COL17A1: variants seen among roughly 807,000 people sequenced by gnomAD.
COL17A1 encodes collagen alpha-1(XVII) chain.
In COL17A1, 181 loss-of-function variants were observed where a neutral mutation model predicts 218.4. That is an observed-to-expected ratio of 0.83 (90% CI 0.73 to 0.94). COL17A1 has a LOEUF of 0.94. Among genes scored for constraint, COL17A1 ranks in the 40% least tolerant of loss-of-function variants. COL17A1 has a pLI of 0.00. For missense variants in COL17A1, 1,924 were observed against 1,945.9 expected (o/e 0.99, Z 0.21); for synonymous variants, 721 against 731.0 (o/e 0.99, Z 0.22).
chr10:104,033,472 A>AGTT, intron 52 of COL17A1, 97 bp from the exon 53 acceptor site: 2 of 1,429,866 alleles, frequency 1.4e-6, no homozygotes, highest in Non-Finnish European at 1.9e-6. Flanking sequence ...CTCCCAAAGC[A>AGTT]GTTGAACTAG....
Position 104,031,968 on chromosome 10 carries a change from G to A in COL17A1, c.*267C>T, listed in dbSNP as rs953485554. 1 of 558,462 alleles carries A rather than the reference G, an allele frequency of 1.8e-6. No individual in the cohort carries two copies. Among genetic ancestry groups the A allele is most frequent in the Non-Finnish European group, 3.2e-6 (1 of 312,240 alleles). The allele number at this position is 558,462 out of a possible 1,614,324, so 34.6% of individuals were successfully genotyped here. On this transcript the variant is annotated 3_prime_UTR_variant, in exon 56 of 56. Transcript: ENST00000648076. ...CTAAGTAAAGAAGCCAAGGAGTTCA[G>A]ATCTAGATAGCAGAGAAGTAAGTCT...
intron 48 of COL17A1, among the ~76,000 whole-genome samples, chr10:104,035,877 T>G (rs1241297317): frequency 6.1e-5 from 4 of 65,690 alleles, no homozygotes; most frequent in Non-Finnish European, 4.4e-5. Flanking sequence ...GGAGTGTGCG[T>G]GAGTACTGGA....
intron 48 of COL17A1, among the ~76,000 whole-genome samples, chr10:104,036,227 T>C (rs2086296941): frequency 6.6e-6 from 1 of 150,834 alleles, no homozygotes; most frequent in Non-Finnish European, 1.5e-5. Context: ...GGTGTGTGTG[T>C]ATGGGAGTGT....
chr10:104,034,435 A>G, intron 51 of COL17A1, 101 bp from the exon 52 acceptor site: 1 of 1,472,344 alleles, frequency 6.8e-7, no homozygotes, highest in Non-Finnish European at 9.1e-7. Context: ...CCCCTGAGAG[A>G]CCAGAAGTGA....
chr10:104,047,848 T>A, intron 30 of COL17A1, 38 bp from the exon 31 acceptor site: 1 of 1,566,310 alleles, frequency 6.4e-7, no homozygotes, highest in Non-Finnish European at 8.8e-7. Context: ...TGTTTACATT[T>A]AGGAAAGCTA....
At chr10:104,063,488 C>T (rs1021166374) in intron 11 of COL17A1, 9 of 525,254 alleles carry the variant, frequency 1.7e-5, no homozygotes, top group Non-Finnish European at 2.8e-5. Flanking sequence ...CCTTCATTTC[C>T]AATCCTCCAA....
intron 2 of COL17A1, among the ~76,000 whole-genome samples, chr10:104,080,144 G>T (rs1299972251): frequency 6.6e-6 from 1 of 152,142 alleles, no homozygotes; most frequent in Non-Finnish European, 1.5e-5. Context: ...ATAAGTGAAA[G>T]AGTTTCCTGA....
intron 46 of COL17A1, among the ~76,000 whole-genome samples, chr10:104,037,401 C>T (rs953471541): frequency 6.6e-6 from 1 of 151,536 alleles, no homozygotes; most frequent in Non-Finnish European, 1.5e-5. Flanking sequence ...TAATTAGGAA[C>T]ACATTAGTCA....
At position 104,053,987 on chromosome 10, in the gene COL17A1, G is replaced by T; in HGVS notation, c.1772-5C>A. 1 of 1,611,986 alleles carries T rather than the reference G, an allele frequency of 6.2e-7. No individual in the cohort carries two copies. Reference sequence around the variant, plus strand: ...GGCCCAAGGGCCCAGGGATACCTGTGAACACACAAGGATATCTCAGCCCCT... The same window carrying T: ...GGCCCAAGGGCCCAGGGATACCTGTTAACACACAAGGATATCTCAGCCCCT... On this transcript the variant is annotated splice_region_variant and splice_polypyrimidine_tract_variant and intron_variant, in intron 21 of 55. Coordinates refer to ENST00000648076, the MANE Select transcript of COL17A1 (RefSeq NM_000494.4).
chr10:104,054,112 C>T lies in COL17A1; in HGVS notation c.1751G>A (p.Arg584Gln), dbSNP rs753955095. Reference protein sequence around the residue: ...DMGSPGPKGDRGFPGTPGIPG... With the variant: ...DMGSPGPKGDQGFPGTPGIPG... Reference sequence around the variant, plus strand: ...CATACCTGGAGTCCCAGGGAACCCTCGATCTCCTGCAGGAACAAAGGCAAA... The same window carrying T: ...CATACCTGGAGTCCCAGGGAACCCTTGATCTCCTGCAGGAACAAAGGCAAA... The change falls in exon 21 of 56, where the codon CGA (arginine) becomes CAA (glutamine). Residue 584 changes from arginine (R) to glutamine (Q), a missense_variant. By Grantham distance (43) the Arg-to-Gln change is conservative. Transcript: ENST00000648076. 14 of 1,609,230 alleles carry T rather than the reference C, an allele frequency of 8.7e-6. No individual in the cohort carries two copies. The highest frequency in any genetic ancestry group is 6.7e-5 in the East Asian group (3 of 44,786).
At chr10:104,043,400 T>A in intron 35 of COL17A1, 101 bp downstream of exon 35, 3 of 1,077,324 alleles carry the variant, frequency 2.8e-6, no homozygotes, top group Non-Finnish European at 2.8e-6. Context: ...TTTACCAGGT[T>A]CAGTTCCTGC....
In COL17A1 at chr10:104,057,018, G is replaced by C. The variant is rs564780191; in HGVS notation, c.1422C>G (p.Thr474=). The part of the protein sequence containing the change: ...WWKWLLGLLL[T]WLLLLGLLFG... ...AGAGCAGCCCCAGGAGTAGCAGCCA[G>C]GTGAGCAGCAGGCCCAGCAGCCACT... Residue 474 remains threonine, a synonymous_variant, in exon 17 of 56, where the codon ACC becomes ACG. Transcript: ENST00000648076. 2 of 1,595,206 alleles carry C rather than the reference G, an allele frequency of 1.3e-6. No homozygotes were observed. Among genetic ancestry groups the C allele is most frequent in the East Asian group, 4.5e-5 (2 of 44,000 alleles).
chr10:104,058,034 TG>T, intron 16 of COL17A1, 111 bp downstream of exon 16: 1 of 1,482,900 alleles, frequency 6.7e-7, no homozygotes, highest in Non-Finnish European at 9.3e-7. Flanking sequence ...CTTTAGAGTC[TG>T]GTGGCTTCTG....
rs763518143 is a variant in COL17A1, at chr10:104,038,495, G to A, written c.2981C>T (p.Pro994Leu). 5.0e-6 allele frequency: 8 copies of A among 1,613,656 alleles called. No homozygotes were observed. The highest frequency in any genetic ancestry group is 2.2e-5 in the South Asian group (2 of 91,076). The change falls in exon 45 of 56, where the codon CCG becomes CTG. Residue 994 changes from proline (P) to leucine (L), a missense_variant. Coordinates refer to ENST00000648076, the MANE Select transcript of COL17A1 (RefSeq NM_000494.4). ...CCCAGGGGGCCCAGGGGGCCCTGGC[G>A]GGCCTGACACGTACATGGTACTTGA... Reference protein sequence around the residue: ...GSSSTMYVSGPPGPPGPPGPP... With the variant: ...GSSSTMYVSGLPGPPGPPGPP...
intron 28 of COL17A1, 137 bp from the exon 29 acceptor site, chr10:104,049,608 C>A: frequency 1.2e-6 from 1 of 851,056 alleles, no homozygotes; most frequent in Non-Finnish European, 2.0e-6. Flanking sequence ...CTTGGAACCC[C>A]TGGGAAGTGG....
At chr10:104,081,643 T>C (rs74154731) in intron 1 of COL17A1, among the ~76,000 whole-genome samples, 6,160 of 152,234 alleles carry the variant, frequency 0.04, 419 homozygotes, top group African/African-American at 0.14. Context: ...TTCTCTTCCT[T>C]CTAGTTTATT....
chr10:104,053,394 A>T (rs924242406), intron 22 of COL17A1, among the ~76,000 whole-genome samples: 1 of 152,040 alleles, frequency 6.6e-6, no homozygotes, highest in South Asian at 2.1e-4. Flanking sequence ...AAGTCCTTAC[A>T]CTGGCCTCTG....
intron 11 of COL17A1, 45 bp downstream of exon 11, chr10:104,063,702 T>A: frequency 6.2e-7 from 1 of 1,613,168 alleles, no homozygotes; most frequent in Non-Finnish European, 8.5e-7. Context: ...CTAACACTTC[T>A]ATGCAAATAG....
chr10:104,050,101 G>A lies in COL17A1; in HGVS notation c.2152C>T (p.Arg718Ter), dbSNP rs1405390153. 1.2e-6 allele frequency: 2 copies of A among 1,613,962 alleles called. No homozygotes were observed. The highest frequency in any genetic ancestry group is 1.7e-6 in the Non-Finnish European group (2 of 1,180,002). ...ATGACAGACTGACCTGTGAGGCCTC[G>A]AGGTCCTTTCTCACCCTGGTCACCT... ...PKGDQGEKGP[R>*]GLTGEPGMRG... The change falls in exon 28 of 56, where the codon CGA (arginine) becomes TGA (stop). Residue 718 changes from arginine to a stop codon, truncating the protein, a stop_gained. Coordinates refer to ENST00000648076, the MANE Select transcript of COL17A1 (RefSeq NM_000494.4). LOFTEE classifies it high-confidence loss of function.
Sources: allele counts gnomAD v4.1 joint callset (sites outside exome capture counted in the v4.1 genomes callset), GRCh38; gene constraint gnomAD v4.1.1; transcripts MANE v1.5; gene names NCBI Gene and HGNC (gene_info 2026-07-23, HGNC 2026-07-21).